Variants in PARN observed in about 807,000 individuals in gnomAD.
PARN encodes the protein poly(A)-specific ribonuclease PARN.
A neutral mutation model predicts 102.8 loss-of-function variants in PARN; 71 were observed. That is an observed-to-expected ratio of 0.69 (90% CI 0.57 to 0.84). The LOEUF (loss-of-function observed/expected upper bound fraction) is 0.84, where lower values mean the gene tolerates loss of function less well. PARN is among the 40% of genes least tolerant of loss of function. The pLI, the probability that PARN is intolerant of heterozygous loss-of-function variation, is 0.00. For missense variants in PARN, 782 were observed against 760.9 expected (o/e 1.03, Z -0.33); for synonymous variants, 261 against 252.9 (o/e 1.03, Z -0.30).
At chr16:14,451,843 TAA>T (rs1184998225) in intron 22 of PARN, among the ~76,000 whole-genome samples, 14 of 54,594 alleles carry the variant, frequency 2.6e-4, no homozygotes, top group Non-Finnish European at 3.6e-4. Flanking sequence ...ACCCCGTCTC[TAA>T]AAAAAAAAAA....
intron 21 of PARN, among the ~76,000 whole-genome samples, chr16:14,492,777 G>A (rs978156922): frequency 2.0e-5 from 3 of 152,264 alleles, no homozygotes; most frequent in Admixed American, 6.5e-5. Context: ...CTACCCAAAC[G>A]GAAGCCACAA....
intron 16 of PARN, among the ~76,000 whole-genome samples, chr16:14,582,610 T>C (rs1298766605): frequency 1.3e-5 from 2 of 151,690 alleles, no homozygotes; most frequent in Admixed American, 6.6e-5. Context: ...CTCTTCTGCT[T>C]GCTTTCTAAG....
chr16:14,479,464 T>C (rs905602448), intron 22 of PARN, among the ~76,000 whole-genome samples: 5 of 149,638 alleles, frequency 3.3e-5, no homozygotes, highest in African/African-American at 1.2e-4. Context: ...ACATAAAATA[T>C]ACAAGATCGC....
At chr16:14,571,357 C>CA (rs397773967) in intron 18 of PARN, among the ~76,000 whole-genome samples, 14,792 of 86,520 alleles carry the variant, frequency 0.17, 943 homozygotes, top group South Asian at 0.41. Context: ...GATTCCAACT[C>CA]AAAAAAAAAA....
intron 22 of PARN, among the ~76,000 whole-genome samples, chr16:14,451,842 CTAAAAAAAAAAAAAAAAAAAAAAATA>C (rs1961460697): frequency 2.2e-5 from 1 of 46,258 alleles, no homozygotes; most frequent in Non-Finnish European, 4.0e-5. Flanking sequence ...AACCCCGTCT[CTAAAAAAAAAAAAAAAAAAAAAAATA>C]CAAAAAAAAA....
At position 14,482,840 on chromosome 16, in the gene PARN, GA is replaced by G. The variant is rs748039977; in HGVS notation, c.1481-14del. 4.2e-5 allele frequency: 66 copies of G among 1,553,628 alleles called. No homozygotes were observed. Among genetic ancestry groups the G allele is most frequent in the South Asian group, 1.7e-4 (14 of 83,132 alleles). ...CTGGTATTGACAGCTACAAGGAAAA[GA>G]AAAAAAAATAAAATGCTTACAAAAG... On this transcript the variant is annotated splice_polypyrimidine_tract_variant and intron_variant, in intron 21 of 23. Coordinates refer to ENST00000437198, the MANE Select transcript of PARN (RefSeq NM_002582.4).
At chr16:14,521,626 C>CCAT (rs1212796923) in intron 21 of PARN, among the ~76,000 whole-genome samples, 1 of 152,112 alleles carries the variant, frequency 6.6e-6, no homozygotes, top group Non-Finnish European at 1.5e-5. Context: ...TGAAGAAATC[C>CCAT]CATCTCTACT....
At chr16:14,531,412 C>G (rs765346356) in intron 21 of PARN, among the ~76,000 whole-genome samples, 1 of 151,808 alleles carries the variant, frequency 6.6e-6, no homozygotes, top group East Asian at 1.9e-4. Flanking sequence ...TTTTCACAAT[C>G]TGTTTGTCAA....
intron 18 of PARN, among the ~76,000 whole-genome samples, chr16:14,579,028 C>T (rs1969338875): frequency 6.6e-6 from 1 of 151,864 alleles, no homozygotes; most frequent in African/African-American, 2.4e-5. Flanking sequence ...ACTCTGTTGC[C>T]CAGGCTGGAG....
Position 14,446,921 on chromosome 16 carries a change from A to C in PARN, c.1831T>G (p.Leu611Val). 6.2e-7 allele frequency: 1 copy of C among 1,612,938 alleles called. No homozygotes were observed. Among genetic ancestry groups the C allele is most frequent in the Non-Finnish European group, 8.5e-7 (1 of 1,179,508 alleles). Reference protein sequence around the residue: ...LSEGRKKAKKLKRMKKELSPA... With the variant: ...LSEGRKKAKKVKRMKKELSPA... ...GAAAGCTCCTTCTTCATTCTTTTTAATTTCTTGGCCTTTTTCCTTCCCTCT... is the reference window on the plus strand; with the variant it reads ...GAAAGCTCCTTCTTCATTCTTTTTACTTTCTTGGCCTTTTTCCTTCCCTCT... The change falls in exon 23 of 24, where the codon TTA becomes GTA. Residue 611 changes from leucine (L) to valine (V), a missense_variant. Leu to Val is a conservative substitution (Grantham distance 32, BLOSUM62 1). Coordinates refer to ENST00000437198, the MANE Select transcript of PARN (RefSeq NM_002582.4).
chr16:14,614,870 AAAAAAAAAGAAAAG>A, intron 6 of PARN, among the ~76,000 whole-genome samples: 1 of 149,602 alleles, frequency 6.7e-6, no homozygotes, highest in Non-Finnish European at 1.5e-5. Context: ...AAAAAAAAAA[AAAAAAAAAGAAAAG>A]AAAAGAAAAT....
At chr16:14,584,208 C>A in intron 16 of PARN, 139 bp downstream of exon 16, 1 of 525,462 alleles carries the variant, frequency 1.9e-6, no homozygotes. Flanking sequence ...AATAATTCAA[C>A]ACACGGTACG....
intron 6 of PARN, among the ~76,000 whole-genome samples, chr16:14,614,870 A>T (rs1022947531): frequency 6.7e-6 from 1 of 149,602 alleles, no homozygotes; most frequent in African/African-American, 2.4e-5. Context: ...AAAAAAAAAA[A>T]AAAAAAAAGA....
At chr16:14,518,291 C>CAAAAAA (rs34169116) in intron 21 of PARN, among the ~76,000 whole-genome samples, 16 of 52,256 alleles carry the variant, frequency 3.1e-4, no homozygotes, top group East Asian at 1.3e-3. Flanking sequence ...GACCCTGTCT[C>CAAAAAA]AAAAAAAAAA....
chr16:14,435,943 C>CACAGAG lies in PARN; in HGVS notation c.*773_*774insCTCTGT, dbSNP rs1163186399. ...ACACACACACACACACACACACACA[C>CACAGAG]AGACACGTACGCACACACGCTGCCG... is the stretch of plus-strand genomic sequence containing the variant. On this transcript the variant is annotated 3_prime_UTR_variant, in exon 24 of 24. Coordinates refer to ENST00000437198, the MANE Select transcript of PARN (RefSeq NM_002582.4). 4 of 141,604 alleles carry CACAGAG rather than the reference C, an allele frequency of 2.8e-5. No individual in the cohort carries two copies. Among genetic ancestry groups the CACAGAG allele is most frequent in the African/African-American group, 1.0e-4 (4 of 38,496 alleles). 8.8% of individuals were successfully genotyped at this position (141,604 alleles called of 1,614,324 possible).
chr16:14,476,880 A>G (rs960628094), intron 22 of PARN, among the ~76,000 whole-genome samples: 1 of 152,240 alleles, frequency 6.6e-6, no homozygotes, highest in African/African-American at 2.4e-5. Context: ...GGATGATAAA[A>G]TATCAGCAAA....
At chr16:14,625,961 A>T (rs116475862) in intron 5 of PARN, among the ~76,000 whole-genome samples, 45 of 152,334 alleles carry the variant, frequency 3.0e-4, no homozygotes, top group African/African-American at 1.0e-3. Context: ...ATTACAACAG[A>T]TAATCAAAAG....
At chr16:14,564,553 A>AG (rs1450098584) in intron 18 of PARN, among the ~76,000 whole-genome samples, 9 of 152,200 alleles carry the variant, frequency 5.9e-5, no homozygotes, top group Non-Finnish European at 1.0e-4. Flanking sequence ...CAGGAAAACG[A>AG]GTGAATCAGC....
intron 21 of PARN, among the ~76,000 whole-genome samples, chr16:14,504,010 T>G (rs888863738): frequency 2.6e-5 from 4 of 152,166 alleles, no homozygotes; most frequent in Admixed American, 2.0e-4. Flanking sequence ...TGTGCCTTCT[T>G]CAGCAGAGAG....
Sources: allele counts gnomAD v4.1 joint callset (sites outside exome capture counted in the v4.1 genomes callset), GRCh38; gene constraint gnomAD v4.1.1; transcripts MANE v1.5; gene names NCBI Gene and HGNC (gene_info 2026-07-23, HGNC 2026-07-21).